Variants in PKHD1 observed in about 807,000 individuals in gnomAD.
PKHD1 encodes the protein fibrocystin.
PKHD1 carries 291 observed loss-of-function variants against 412.0 expected under a neutral mutation model. That is an observed-to-expected ratio of 0.71 (90% CI 0.64 to 0.78). The LOEUF is 0.78. Among genes scored for constraint, PKHD1 ranks in the 30% least tolerant of loss-of-function variants. The pLI, the probability that PKHD1 is intolerant of heterozygous loss-of-function variation, is 0.00. For missense variants in PKHD1, 4,825 were observed against 4,950.7 expected (o/e 0.97, Z 0.76); for synonymous variants, 1,777 against 1,821.5 (o/e 0.98, Z 0.62).
intron 36 of PKHD1, among the ~76,000 whole-genome samples, chr6:51,937,598 C>T (rs1290071803): frequency 6.6e-6 from 1 of 152,172 alleles, no homozygotes; most frequent in African/African-American, 2.4e-5. Flanking sequence ...AATTCTAAAG[C>T]CCAAGCCATA....
chr6:52,080,047 C>A, intron 4 of PKHD1, 39 bp from the exon 5 acceptor site: 1 of 1,233,430 alleles, frequency 8.1e-7, no homozygotes, highest in South Asian at 1.2e-5. Context: ...AATCAAAAAC[C>A]ATGAATTCCC....
At chr6:51,941,344 T>C (rs1449032142) in intron 36 of PKHD1, among the ~76,000 whole-genome samples, 33 of 138,302 alleles carry the variant, frequency 2.4e-4, no homozygotes, top group African/African-American at 7.7e-4. Context: ...CAAGCTCCGC[T>C]TCCCGGGTTC....
intron 37 of PKHD1, among the ~76,000 whole-genome samples, chr6:51,918,428 T>C (rs1784166771): frequency 6.6e-6 from 1 of 152,138 alleles, no homozygotes; most frequent in Non-Finnish European, 1.5e-5. Flanking sequence ...AACTCCTGCT[T>C]ATGAGTGAGA....
intron 57 of PKHD1, among the ~76,000 whole-genome samples, chr6:51,749,804 C>A (rs1207027300): frequency 6.6e-6 from 1 of 152,262 alleles, no homozygotes; most frequent in South Asian, 2.1e-4. Flanking sequence ...ACAAAAGTAG[C>A]ATCTCTGCAT....
intron 55 of PKHD1, among the ~76,000 whole-genome samples, chr6:51,756,825 T>C (rs1052322703): frequency 4.6e-5 from 7 of 152,262 alleles, no homozygotes; most frequent in Non-Finnish European, 7.4e-5. Context: ...CTTTACTTCA[T>C]AGTTAGTATT....
chr6:51,649,179 C>T lies in PKHD1; in HGVS notation c.11216G>A (p.Arg3739Gln). 2.5e-6 allele frequency: 4 copies of T among 1,611,506 alleles called. No individual in the cohort carries two copies. The highest frequency in any genetic ancestry group is 1.1e-5 in the South Asian group (1 of 91,028). Residue 3739 changes from arginine to glutamine, a missense_variant, in exon 62 of 67, where the codon CGG becomes CAG. Coordinates refer to ENST00000371117, the MANE Select transcript of PKHD1 (RefSeq NM_138694.4). ...SFKTGNLIYIRPYALSILVQP... is the reference protein window; with the variant it reads ...SFKTGNLIYIQPYALSILVQP... ...GACTAGGATGGAAAGTGCATAGGGC[C>T]GAATATATATCAAGTTCCCAGTTTT... is the stretch of plus-strand genomic sequence containing the variant.
intron 60 of PKHD1, among the ~76,000 whole-genome samples, chr6:51,730,810 T>C (rs1050403504): frequency 5.3e-5 from 8 of 152,220 alleles, no homozygotes; most frequent in African/African-American, 4.8e-5. Flanking sequence ...AATGTGCATA[T>C]ATGCATACAC....
At position 52,010,187 on chromosome 6, in the gene PKHD1, T is replaced by C; in HGVS notation, c.5751+122A>G. On this transcript the variant is annotated intron_variant, in intron 35 of 66. Transcript: ENST00000371117. ...TGTGCATTAGACCAGCTTCTCAAAGTTTGAGCACATTTAATATTATATATC... is the reference window on the plus strand; with the variant it reads ...TGTGCATTAGACCAGCTTCTCAAAGCTTGAGCACATTTAATATTATATATC... 5 of 816,570 alleles carry C rather than the reference T, an allele frequency of 6.1e-6. No individual in the cohort carries two copies. In the East Asian group the frequency reaches 1.1e-4, roughly 17 times the overall value. The allele number at this position is 816,570 out of a possible 1,614,324, so 50.6% of individuals were successfully genotyped here. A position where few individuals can be genotyped will look rare whatever the true frequency, so the allele number is the denominator to read the frequency against.
At chr6:52,081,624 C>G (rs533129056) in intron 4 of PKHD1, among the ~76,000 whole-genome samples, 1 of 151,966 alleles carries the variant, frequency 6.6e-6, no homozygotes, top group Non-Finnish European at 1.5e-5. Context: ...CACACACATA[C>G]ACCCTGTGGA....
Position 51,841,214 on chromosome 6 carries a change from G to GA in PKHD1, c.8108-4746dup, listed in dbSNP as rs1333091552. ...TAAAAAAAGAAAAGATGGTATACTA[G>GA]AAAAAGCACTGAACCTAGAGTCAGA... On this transcript the variant is annotated intron_variant, in intron 50 of 66. Coordinates refer to ENST00000371117, the MANE Select transcript of PKHD1 (RefSeq NM_138694.4). Among the ~76,000 whole-genome samples the GA allele has an allele frequency of 3.9e-5, 6 of 152,278 alleles. No individual in the cohort carries two copies. In the South Asian group the frequency reaches 1.0e-3, roughly 26 times the overall value.
chr6:51,653,469 G>A (rs1289970727), intron 61 of PKHD1, among the ~76,000 whole-genome samples: 2 of 152,028 alleles, frequency 1.3e-5, no homozygotes, highest in African/African-American at 4.8e-5. Context: ...CATCCCCTCT[G>A]TTCTTAGGTC....
intron 60 of PKHD1, among the ~76,000 whole-genome samples, chr6:51,720,121 C>A (rs1433482661): frequency 6.6e-6 from 1 of 152,120 alleles, no homozygotes; most frequent in African/African-American, 2.4e-5. Flanking sequence ...GCTTTTCTAT[C>A]TTGTGTGAAA....
At chr6:51,956,089 A>G (rs1260658682) in intron 36 of PKHD1, among the ~76,000 whole-genome samples, 1 of 152,036 alleles carries the variant, frequency 6.6e-6, no homozygotes, top group African/African-American at 2.4e-5. Flanking sequence ...GCTATGTTAC[A>G]TTGATCAGAT....
intron 60 of PKHD1, among the ~76,000 whole-genome samples, chr6:51,690,868 T>G (rs908532817): frequency 6.6e-6 from 1 of 151,560 alleles, no homozygotes; most frequent in Non-Finnish European, 1.5e-5. Flanking sequence ...ACCAACAGAG[T>G]AAACAGTCAA....
At position 51,896,988 on chromosome 6, in the gene PKHD1, A is replaced by C. The variant is rs1583253806; in HGVS notation, c.6996+6609T>G. On this transcript the variant is annotated intron_variant, in intron 43 of 66. Coordinates refer to ENST00000371117, the MANE Select transcript of PKHD1 (RefSeq NM_138694.4). The stretch of plus-strand genomic sequence containing the variant: ...AAAAAGAATAAAAAGAAATGAGCAA[A>C]GCCTCCAAGAAATATGGGACTATGT... Among the ~76,000 whole-genome samples, 8 of 151,828 alleles carry C rather than the reference A, an allele frequency of 5.3e-5. No individual in the cohort carries two copies. The East Asian group carries it at 1.5e-3, about 29-fold the overall frequency.
intron 55 of PKHD1, among the ~76,000 whole-genome samples, chr6:51,763,695 C>A (rs1295626041): frequency 2.0e-5 from 3 of 152,038 alleles, no homozygotes; most frequent in Admixed American, 2.0e-4. Flanking sequence ...ACTTCATATT[C>A]AATGTGTCTT....
chr6:51,855,984 A>T lies in PKHD1; in HGVS notation c.7820T>A (p.Leu2607Ter). ...AGCCATCCAGCCACGAGGGTTAGAC[A>T]ATGTATCACGTACATAATTGACAGT... is the stretch of plus-strand genomic sequence containing the variant. ...TTTVNYVRDT[L>*]SNPRGWMALL... is the part of the protein sequence containing the mutation. The change falls in exon 49 of 67, where the codon TTG becomes TAG. Residue 2607 changes from leucine (L) to a stop codon, truncating the protein, a stop_gained. Transcript: ENST00000371117. LOFTEE classifies it high-confidence loss of function. 1 of 1,610,862 alleles carries T rather than the reference A, an allele frequency of 6.2e-7. No individual in the cohort carries two copies.
At chr6:51,909,553 C>T in intron 39 of PKHD1, 79 bp from the exon 40 acceptor site, 1 of 1,053,210 alleles carries the variant, frequency 9.5e-7, no homozygotes, top group Non-Finnish European at 1.5e-6. Context: ...TTGAAAGGTA[C>T]TGTCAGCACC....
intron 55 of PKHD1, among the ~76,000 whole-genome samples, chr6:51,767,485 G>A (rs760593308): frequency 6.6e-6 from 1 of 151,968 alleles, no homozygotes; most frequent in Non-Finnish European, 1.5e-5. Context: ...CCCCACAACA[G>A]TCCCCAGAGT....
Sources: allele counts gnomAD v4.1 joint callset (sites outside exome capture counted in the v4.1 genomes callset), GRCh38; gene constraint gnomAD v4.1.1; transcripts MANE v1.5; gene names NCBI Gene and HGNC (gene_info 2026-07-23, HGNC 2026-07-21).